Variants in SLC44A5 observed in about 807,000 individuals in gnomAD.
SLC44A5 encodes the protein choline transporter-like protein 5.
SLC44A5 carries 57 observed loss-of-function variants against 101.8 expected under a neutral mutation model. The observed-to-expected ratio is 0.56, with a 90% confidence interval of 0.45 to 0.70. The LOEUF (loss-of-function observed/expected upper bound fraction) is 0.70. SLC44A5 is among the 30% of genes least tolerant of loss of function. SLC44A5 has a pLI of 0.00. For synonymous variants in SLC44A5, 281 were observed against 290.9 expected, an observed-to-expected ratio of 0.97 and a Z score of 0.35; for missense variants, 737 against 853.1, an observed-to-expected ratio of 0.86 and a Z score of 1.70.
At chr1:75,368,279 T>G (rs891659821) in intron 3 of SLC44A5, among the ~76,000 whole-genome samples, 2 of 152,224 alleles carry the variant, frequency 1.3e-5, no homozygotes, top group South Asian at 4.1e-4. Flanking sequence ...TTCCTTGATG[T>G]CCACAGGGGA....
chr1:75,340,781 C>T (rs557824545), intron 3 of SLC44A5, among the ~76,000 whole-genome samples: 55 of 152,256 alleles, frequency 3.6e-4, no homozygotes, highest in Non-Finnish European at 2.8e-4. Context: ...GAATGGACAA[C>T]GAGTTATTCT....
At chr1:75,595,597 G>T (rs1170838682) in intron 1 of SLC44A5, among the ~76,000 whole-genome samples, 1 of 152,118 alleles carries the variant, frequency 6.6e-6, no homozygotes, top group East Asian at 1.9e-4. Flanking sequence ...ACTACAGAAA[G>T]AAGCAATATC....
intron 3 of SLC44A5, among the ~76,000 whole-genome samples, chr1:75,360,968 TTTTC>T (rs1411121481): frequency 6.6e-6 from 1 of 152,198 alleles, no homozygotes; most frequent in African/African-American, 2.4e-5. Flanking sequence ...TTTATTTGTG[TTTTC>T]TTTAATTTTT....
intron 2 of SLC44A5, among the ~76,000 whole-genome samples, chr1:75,475,437 A>G (rs1667329750): frequency 6.6e-6 from 1 of 152,184 alleles, no homozygotes; most frequent in Non-Finnish European, 1.5e-5. Context: ...TCCTCTGAAC[A>G]AGTATTATTT....
At chr1:75,719,661 T>C in the SLC44A5 span, among the ~76,000 whole-genome samples, 4 of 152,240 alleles carry the variant, frequency 2.6e-5, no homozygotes, top group Admixed American at 1.3e-4. Flanking sequence ...TGTTCTGGCA[T>C]ACAAATTCTC....
At chr1:75,348,976 C>T (rs189150617) in intron 3 of SLC44A5, among the ~76,000 whole-genome samples, 1 of 152,068 alleles carries the variant, frequency 6.6e-6, no homozygotes, top group Non-Finnish European at 1.5e-5. Flanking sequence ...GCTGAAGAGA[C>T]AATTAGCAAA....
At chr1:75,210,273 C>G (rs1245394687) in intron 23 of SLC44A5, among the ~76,000 whole-genome samples, 2 of 151,946 alleles carry the variant, frequency 1.3e-5, no homozygotes, top group African/African-American at 2.4e-5. Context: ...GTTGCCCAGG[C>G]TGGTCTCAAG....
chr1:75,547,854 T>C (rs1671732201), intron 1 of SLC44A5, among the ~76,000 whole-genome samples: 1 of 152,156 alleles, frequency 6.6e-6, no homozygotes. Flanking sequence ...CTAACTTCTT[T>C]TTGTTTCTTA....
At chr1:75,220,076 T>C (rs945663105) in intron 14 of SLC44A5, among the ~76,000 whole-genome samples, 184 bp from the exon 15 acceptor site, 2 of 152,178 alleles carry the variant, frequency 1.3e-5, no homozygotes, top group Non-Finnish European at 2.9e-5. Flanking sequence ...TTGAGGCATT[T>C]TTCCGATGCA....
upstream of SLC44A5, among the ~76,000 whole-genome samples, chr1:75,612,862 G>A (rs1675715503): frequency 6.6e-6 from 1 of 152,182 alleles, no homozygotes; most frequent in African/African-American, 2.4e-5. Flanking sequence ...TAACCAGCTT[G>A]CATTTATAAG....
At chr1:75,240,951 T>C (rs1648572619) in intron 9 of SLC44A5, among the ~76,000 whole-genome samples, 1 of 152,068 alleles carries the variant, frequency 6.6e-6, no homozygotes, top group Non-Finnish European at 1.5e-5. Flanking sequence ...TTATACATGT[T>C]TATCATTATA....
intron 6 of SLC44A5, among the ~76,000 whole-genome samples, chr1:75,269,641 A>G (rs1374672742): frequency 1.3e-5 from 2 of 152,142 alleles, no homozygotes; most frequent in Admixed American, 1.3e-4. Context: ...TTAATTCAAT[A>G]CTATTTATTT....
At chr1:75,669,580 C>G in the SLC44A5 span, among the ~76,000 whole-genome samples, 2 of 152,130 alleles carry the variant, frequency 1.3e-5, no homozygotes, top group Non-Finnish European at 2.9e-5. Context: ...GGGAATGAAA[C>G]ACTTTAAAAA....
At chr1:75,424,530 C>T (rs2101573083) in intron 2 of SLC44A5, among the ~76,000 whole-genome samples, 1 of 152,262 alleles carries the variant, frequency 6.6e-6, no homozygotes, top group South Asian at 2.1e-4. Flanking sequence ...GTCTTGAACT[C>T]CTGACCTCAA....
chr1:75,687,162 G>A, the SLC44A5 span, among the ~76,000 whole-genome samples: 1 of 152,032 alleles, frequency 6.6e-6, no homozygotes. Context: ...TGCTAAATTT[G>A]ACCTAGGTTT....
chr1:75,355,803 G>A (rs1033423453), intron 3 of SLC44A5, among the ~76,000 whole-genome samples: 2 of 152,024 alleles, frequency 1.3e-5, no homozygotes, highest in Non-Finnish European at 2.9e-5. Flanking sequence ...TTACAGCCAC[G>A]ATACTTGATG....
intron 6 of SLC44A5, among the ~76,000 whole-genome samples, chr1:75,271,467 C>A (rs535016759): frequency 1.4e-5 from 2 of 146,152 alleles, no homozygotes; most frequent in East Asian, 4.2e-4. Context: ...TCCTCGAGTC[C>A]CCTAAGTCCA....
chr1:75,606,711 T>A (rs551085140), intron 1 of SLC44A5, among the ~76,000 whole-genome samples: 2 of 152,044 alleles, frequency 1.3e-5, no homozygotes, highest in African/African-American at 4.8e-5. Context: ...TTAATTAAGG[T>A]CTTCAATGAC....
At chr1:75,675,387 T>C in the SLC44A5 span, among the ~76,000 whole-genome samples, 1 of 152,070 alleles carries the variant, frequency 6.6e-6, no homozygotes, top group Non-Finnish European at 1.5e-5. Flanking sequence ...TGAGTGGGAG[T>C]TTTTTTCACG....
Sources: gnomAD v4.1 joint callset for allele counts (sites outside exome capture counted in the v4.1 genomes callset) on GRCh38, gnomAD v4.1.1 for gene constraint, MANE v1.5 for transcripts, NCBI Gene and HGNC (gene_info 2026-07-23, HGNC 2026-07-21) for gene names.